The following SRCIN1 variants were observed in gnomAD, a reference collection of about 807,000 sequenced individuals.
The protein encoded by SRCIN1 is SRC kinase signaling inhibitor 1.
In SRCIN1, 50 loss-of-function variants were observed where a neutral mutation model predicts 116.2. That is an observed-to-expected ratio of 0.43 (90% CI 0.34 to 0.54). The LOEUF is 0.54. Ranked by LOEUF, SRCIN1 falls within the 20% of genes least tolerant of loss-of-function variation. The probability of loss-of-function intolerance (pLI) is 0.02; values close to 1 mark genes in which losing one functional copy is unlikely to be tolerated. For synonymous variants in SRCIN1, 736 were observed against 750.0 expected (o/e 0.98, Z 0.30); for missense variants, 1,446 against 1,672.0 (o/e 0.86, Z 2.36).
rs758677058 is a variant in SRCIN1, at chr17:38,558,290, G to A, written c.2138C>T (p.Thr713Ile). ...RQEDPLQRQRTLVEEERLRYL... is the reference protein window; with the variant it reads ...RQEDPLQRQRILVEEERLRYL... ...GCGCAGCCGTTCCTCTTCCACCAGGGTGCGCTGCCGCTGCAGCGGGTCCTC... is the reference window on the plus strand; with the variant it reads ...GCGCAGCCGTTCCTCTTCCACCAGGATGCGCTGCCGCTGCAGCGGGTCCTC... Residue 713 changes from threonine (T) to isoleucine (I), a missense_variant, in exon 11 of 19, where the codon ACC becomes ATC. This residue lies in a region of SRCIN1 where 531 missense variants were observed against 633.9 expected (regional missense o/e 0.84). Coordinates refer to ENST00000617146, the MANE Select transcript of SRCIN1 (RefSeq NM_025248.3). This position sits in a 1 kb window ranked among gnomAD's most constrained non-coding sequence, Gnocchi z 4.6. The A allele has an allele frequency of 3.1e-6, 5 of 1,612,142 alleles. No individual in the cohort carries two copies. The highest frequency in any genetic ancestry group is 4.2e-6 in the Non-Finnish European group (5 of 1,179,646).
intron 1 of SRCIN1, among the ~76,000 whole-genome samples, chr17:38,600,107 C>T (rs186453068): frequency 6.6e-6 from 1 of 152,306 alleles, no homozygotes; most frequent in East Asian, 1.9e-4. Flanking sequence ...TGGGACCATC[C>T]TTCCTTAAGA....
chr17:38,559,954 G>A, intron 9 of SRCIN1, 100 bp downstream of exon 9: 1 of 1,358,108 alleles, frequency 7.4e-7, no homozygotes, highest in Non-Finnish European at 1.0e-6. Context: ...AAGACCTCTT[G>A]GGCTAAGGCC....
chr17:38,542,903 T>C lies in SRCIN1; in HGVS notation c.3417+920A>G, dbSNP rs1033954114. 4 of 352,208 alleles carry C rather than the reference T, an allele frequency of 1.1e-5. No homozygotes were observed. The Admixed American group carries it at 1.4e-4, about 13-fold the overall frequency. The allele number at this position is 352,208 out of a possible 1,614,324, so 21.8% of individuals were successfully genotyped here. A position where few individuals can be genotyped will look rare whatever the true frequency, so the allele number is the denominator to read the frequency against. ...TCTTGCCTCTGAGTCTAGAACCTTC[T>C]TTAAGTGAGAGCATCTGGACATATC... On this transcript the variant is annotated intron_variant, in intron 18 of 18. Coordinates refer to ENST00000617146, the MANE Select transcript of SRCIN1 (RefSeq NM_025248.3).
chr17:38,581,603 G>T (rs912832248), intron 1 of SRCIN1, among the ~76,000 whole-genome samples: 5 of 151,850 alleles, frequency 3.3e-5, no homozygotes, highest in Non-Finnish European at 5.9e-5. Flanking sequence ...TAAATTTAAA[G>T]TTCAAAGTGA....
chr17:38,598,749 G>A (rs77736531), intron 1 of SRCIN1, among the ~76,000 whole-genome samples: 2,893 of 152,314 alleles, frequency 0.019, 94 homozygotes, highest in African/African-American at 0.066. Flanking sequence ...TAAGGCTGTG[G>A]GGGAGCTGAG....
chr17:38,596,991 C>T (rs915814617), intron 1 of SRCIN1, among the ~76,000 whole-genome samples: 3 of 152,030 alleles, frequency 2.0e-5, no homozygotes, highest in Non-Finnish European at 2.9e-5. Flanking sequence ...AGTTAAGACC[C>T]TTCCTGCCGG....
chr17:38,543,264 A>G (rs1904862035), intron 18 of SRCIN1: 8 of 452,366 alleles, frequency 1.8e-5, no homozygotes, highest in South Asian at 1.2e-4. Flanking sequence ...ACCCAAACAC[A>G]AGGCTGAAAA....
intron 1 of SRCIN1, among the ~76,000 whole-genome samples, chr17:38,600,583 C>T (rs1281696612): frequency 6.6e-6 from 1 of 152,212 alleles, no homozygotes; most frequent in Non-Finnish European, 1.5e-5. Context: ...CAGGACTTGC[C>T]ATGGGTTGAG....
intron 18 of SRCIN1, among the ~76,000 whole-genome samples, chr17:38,540,927 T>C (rs540852182): frequency 4.2e-4 from 64 of 152,176 alleles, no homozygotes; most frequent in Non-Finnish European, 7.8e-4. Flanking sequence ...CCTGCTTCTC[T>C]ATACTTTACT....
intron 2 of SRCIN1, among the ~76,000 whole-genome samples, chr17:38,574,187 C>A (rs527257490): frequency 6.6e-6 from 1 of 152,308 alleles, no homozygotes; most frequent in African/African-American, 2.4e-5. Context: ...CTTCCCATTG[C>A]AACTCTGATG....
In SRCIN1 at chr17:38,553,930, C is replaced by T. The variant is rs143820385; in HGVS notation, c.2202-1075G>A. Among the ~76,000 whole-genome samples, 373 of 152,226 alleles carry T rather than the reference C, an allele frequency of 2.5e-3. 2 individuals are homozygous for T. The highest frequency in any genetic ancestry group is 8.4e-3 in the African/African-American group (349 of 41,524). On this transcript the variant is annotated intron_variant, in intron 11 of 18. Transcript: ENST00000617146. The stretch of plus-strand genomic sequence containing the variant: ...AAAAATAGGGATGGTAAGAGCTCCC[C>T]GCTAGGCATGGTGGTTCAAGCCTAT...
At chr17:38,533,755 T>G (rs960161729) in intron 18 of SRCIN1, among the ~76,000 whole-genome samples, 46 of 5,546 alleles carry the variant, frequency 8.3e-3, no homozygotes, top group Middle Eastern at 0.071. Flanking sequence ...GATGGGGAGG[T>G]GGGGGTGGGG....
rs1908070149 is a variant in SRCIN1, at chr17:38,585,591, C to A, written c.23-6800G>T. On this transcript the variant is annotated intron_variant, in intron 1 of 18. Coordinates refer to ENST00000617146, the MANE Select transcript of SRCIN1 (RefSeq NM_025248.3). This position sits in a 1 kb window ranked among gnomAD's most constrained non-coding sequence, Gnocchi z 4.2. ...TGTCCCTGGGTGCCCCTGGCTCTGC[C>A]TTCCTTGTGTGCCCATACTCCTCAG... 6.6e-6 allele frequency among the ~76,000 whole-genome samples: 1 copy of A among 152,188 alleles called. No homozygotes were observed. The highest frequency in any genetic ancestry group is 2.4e-5 in the African/African-American group (1 of 41,442).
chr17:38,592,306 G>C (rs1400418703), intron 1 of SRCIN1, among the ~76,000 whole-genome samples: 1 of 152,128 alleles, frequency 6.6e-6, no homozygotes, highest in Non-Finnish European at 1.5e-5. Context: ...GAGGAGGGCT[G>C]TGCTGGGGTG....
At chr17:38,540,151 C>T (rs1904636921) in intron 18 of SRCIN1, among the ~76,000 whole-genome samples, 1 of 152,052 alleles carries the variant, frequency 6.6e-6, no homozygotes, top group Admixed American at 6.5e-5. Context: ...AAGCCTTGAT[C>T]CTTGCACGCC....
chr17:38,553,004 C>T (rs1905543833), intron 11 of SRCIN1, 149 bp from the exon 12 acceptor site: 11 of 1,305,182 alleles, frequency 8.4e-6, no homozygotes, highest in Non-Finnish European at 1.1e-5. Context: ...CCCGTAATCT[C>T]AGTACTTTGG....
intron 1 of SRCIN1, among the ~76,000 whole-genome samples, chr17:38,595,381 CTAATTTT>C (rs1908671080): frequency 6.6e-6 from 1 of 152,122 alleles, no homozygotes; most frequent in African/African-American, 2.4e-5. Flanking sequence ...CCACACCCAG[CTAATTTT>C]TGTATTTTTA....
At position 38,536,307 on chromosome 17, in the gene SRCIN1, C is replaced by T. The variant is rs114882259; in HGVS notation, c.3418-2876G>A. Among the ~76,000 whole-genome samples, 1,519 of 152,378 alleles carry T rather than the reference C, an allele frequency of 1.0e-2. 35 individuals carry two copies. The highest frequency in any genetic ancestry group is 0.035 in the African/African-American group (1,445 of 41,586). On this transcript the variant is annotated intron_variant, in intron 18 of 18. Transcript: ENST00000617146. Reference sequence around the variant, plus strand: ...TGCTGCTAACCCTTCTCAGGTGACACAGCTGCTGTCTCTGAAGGTTCCTGT... The same window carrying T: ...TGCTGCTAACCCTTCTCAGGTGACATAGCTGCTGTCTCTGAAGGTTCCTGT...
intron 1 of SRCIN1, 145 bp downstream of exon 1, chr17:38,605,539 A>C: frequency 2.2e-6 from 1 of 454,534 alleles, no homozygotes. Flanking sequence ...CCTGCGCCCC[A>C]GCATCCCTCG....
Sources: gnomAD v4.1 joint callset for allele counts (sites outside exome capture counted in the v4.1 genomes callset) on GRCh38, gnomAD v4.1.1 for gene constraint, gnomAD v4.1.1 regional missense constraint, Gnocchi (gnomAD v3.1) non-coding constraint, MANE v1.5 for transcripts, NCBI Gene and HGNC (gene_info 2026-07-23, HGNC 2026-07-21) for gene names.